Variants in SEPTIN8 observed in about 807,000 individuals in gnomAD.
SEPTIN8 encodes the protein septin 8.
A neutral mutation model predicts 53.1 loss-of-function variants in SEPTIN8; 22 were observed. The observed-to-expected ratio is 0.41, with a 90% CI of 0.30 to 0.59. The LOEUF (loss-of-function observed/expected upper bound fraction) is 0.59. SEPTIN8 is among the 20% of genes least tolerant of loss of function. The pLI is 0.24. For synonymous variants in SEPTIN8, 228 were observed against 248.4 expected (o/e 0.92, Z 0.77); for missense variants, 536 against 638.7 (o/e 0.84, Z 1.73).
intron 1 of SEPTIN8, among the ~76,000 whole-genome samples, chr5:132,768,459 G>A (rs907620554): frequency 1.3e-5 from 2 of 152,174 alleles, no homozygotes; most frequent in Non-Finnish European, 2.9e-5. Context: ...TCATAGATTT[G>A]GCATCGACAT....
upstream of SEPTIN8, chr5:132,777,487 G>A (rs934851415): frequency 2.1e-6 from 2 of 970,114 alleles, no homozygotes; most frequent in Non-Finnish European, 2.5e-6. This position sits in a 1 kb window ranked among gnomAD's most constrained non-coding sequence, Gnocchi z 4.1. Context: ...GGGGCTCGGG[G>A]CTGGTGCCCG....
intron 2 of SEPTIN8, 104 bp downstream of exon 2, chr5:132,765,303 ACT>A: frequency 7.2e-7 from 1 of 1,384,484 alleles, no homozygotes; most frequent in Non-Finnish European, 9.9e-7. Context: ...CCAAAGTTTC[ACT>A]CTGCCTGGGA....
intron 4 of SEPTIN8, among the ~76,000 whole-genome samples, chr5:132,763,050 A>G (rs1425632456): frequency 6.6e-6 from 1 of 152,180 alleles, no homozygotes; most frequent in East Asian, 1.9e-4. Context: ...GAAGATCCCA[A>G]AATCTCCCAG....
At position 132,751,034 on chromosome 5, in the gene SEPTIN8, T is replaced by G. The variant is rs761583549; in HGVS notation, c.*982A>C. On this transcript the variant is annotated 3_prime_UTR_variant, in exon 10 of 10. Coordinates refer to ENST00000378719, the MANE Select transcript of SEPTIN8 (RefSeq NM_001098811.2). ...GGTGTTTACAGAGTCTACCCTAAAC[T>G]CGTTTGTGCCTTTGGAACAGCTGTT... 6.2e-7 allele frequency: 1 copy of G among 1,604,552 alleles called. No individual in the cohort carries two copies. Among genetic ancestry groups the G allele is most frequent in the Non-Finnish European group, 8.5e-7 (1 of 1,176,346 alleles).
In SEPTIN8 at chr5:132,761,074, C is replaced by A. The variant is rs1755889418; in HGVS notation, c.1095+59G>T. On this transcript the variant is annotated intron_variant, in intron 8 of 9. Transcript: ENST00000378719. The surrounding 1 kb of genome is among the most constrained non-coding windows in gnomAD (Gnocchi z 5.8). ...GCCAGGAAGGCACCCCCACCTCTAC[C>A]CTCAGCCAGGCCTTCCCTCCCTCAG... is the stretch of plus-strand genomic sequence containing the variant. 6.2e-7 allele frequency: 1 copy of A among 1,610,450 alleles called. No homozygotes were observed. Among genetic ancestry groups the A allele is most frequent in the Non-Finnish European group, 8.5e-7 (1 of 1,177,940 alleles).
chr5:132,774,838 T>C (rs1295804675), intron 1 of SEPTIN8, among the ~76,000 whole-genome samples: 3 of 152,148 alleles, frequency 2.0e-5, no homozygotes. Flanking sequence ...CGGACTGCAA[T>C]TAACCCTCCA....
chr5:132,754,367 G>A, intron 9 of SEPTIN8: 1 of 716,762 alleles, frequency 1.4e-6, no homozygotes, highest in East Asian at 2.7e-5. Flanking sequence ...TCCAGTGTAA[G>A]TGGGACCACA....
rs1452542118 is a variant in SEPTIN8 at position 132,763,868 on chromosome 5, G to T, written c.372C>A (p.Ile124=). ...GCAGATAATTTTCAAACTGCGCATCGATGTAGTCAACTATGGGCCTGTAAC... is the reference window on the plus strand; with the variant it reads ...GCAGATAATTTTCAAACTGCGCATCTATGTAGTCAACTATGGGCCTGTAAC... ...DESYRPIVDY[I]DAQFENYLQE... is the part of the protein sequence containing the mutation. Residue 124 remains isoleucine, a synonymous_variant, in exon 4 of 10, where the codon ATC becomes ATA. Coordinates refer to ENST00000378719, the MANE Select transcript of SEPTIN8 (RefSeq NM_001098811.2). 3 of 1,589,990 alleles carry T rather than the reference G, an allele frequency of 1.9e-6. No homozygotes were observed. Among genetic ancestry groups the T allele is most frequent in the Non-Finnish European group, 2.6e-6 (3 of 1,167,442 alleles).
chr5:132,779,362 T>C (rs1025493280), upstream of SEPTIN8, among the ~76,000 whole-genome samples: 2 of 152,196 alleles, frequency 1.3e-5, no homozygotes, highest in Non-Finnish European at 2.9e-5. Context: ...GTCAAATAAC[T>C]GGGGAATGCT....
rs760187960 is a variant in SEPTIN8, at chr5:132,765,588, G to A, written c.31-59C>T. On this transcript the variant is annotated intron_variant, in intron 1 of 9. Coordinates refer to ENST00000378719, the MANE Select transcript of SEPTIN8 (RefSeq NM_001098811.2). ...CACTGGGGAAGAAAGGTCAAGCTGC[G>A]GGGTGGGCGCTAAATCTGAGTTAAA... The A allele has an allele frequency of 2.0e-5, 30 of 1,523,054 alleles. No individual in the cohort carries two copies. The East Asian group carries it at 3.5e-4, about 18-fold the overall frequency. 94.3% of individuals were successfully genotyped at this position (1,523,054 alleles called of 1,614,324 possible). A position where few individuals can be genotyped will look rare whatever the true frequency, so the allele number is the denominator to read the frequency against.
At chr5:132,770,004 T>TATATATATATATATAC (rs1757039029) in intron 1 of SEPTIN8, among the ~76,000 whole-genome samples, 1 of 50,314 alleles carries the variant, frequency 2.0e-5, no homozygotes, top group African/African-American at 8.4e-5. Flanking sequence ...TATATATATA[T>TATATATATATATATAC]ATATATATAT....
At position 132,750,973 on chromosome 5, in the gene SEPTIN8, G is replaced by C. The variant is rs768496912; in HGVS notation, c.*1043C>G. On this transcript the variant is annotated 3_prime_UTR_variant, in exon 10 of 10. Transcript: ENST00000378719. Reference sequence around the variant, plus strand: ...GACTGCACTGGGACCTCTATATTGGGACGCCGCTGGACTTCTTGACTATAG... The same window carrying C: ...GACTGCACTGGGACCTCTATATTGGCACGCCGCTGGACTTCTTGACTATAG... 1.9e-6 allele frequency: 3 copies of C among 1,614,048 alleles called. No homozygotes were observed. The highest frequency in any genetic ancestry group is 1.7e-5 in the Admixed American group (1 of 59,964).
upstream of SEPTIN8, among the ~76,000 whole-genome samples, chr5:132,778,527 CCTCT>C (rs34287498): frequency 0.018 from 2,810 of 152,264 alleles, 74 homozygotes; most frequent in African/African-American, 0.065. Flanking sequence ...TCACTTTGCT[CCTCT>C]CTCTATGTTG....
chr5:132,779,371 C>T (rs1415376260), upstream of SEPTIN8, among the ~76,000 whole-genome samples: 2 of 152,218 alleles, frequency 1.3e-5, no homozygotes, highest in South Asian at 2.1e-4. Context: ...CTGGGGAATG[C>T]TGAGTTCCAT....
chr5:132,761,058 G>T lies in SEPTIN8; in HGVS notation c.1096-66C>A, dbSNP rs934860084. On this transcript the variant is annotated intron_variant, in intron 8 of 9. Coordinates refer to ENST00000378719, the MANE Select transcript of SEPTIN8 (RefSeq NM_001098811.2). The surrounding 1 kb of genome is among the most constrained non-coding windows in gnomAD (Gnocchi z 5.8). ...GAGGGCTTGAGCCTGGGCCAGGAAG[G>T]CACCCCCACCTCTACCCTCAGCCAG... 3.1e-6 allele frequency: 5 copies of T among 1,603,274 alleles called. No individual in the cohort carries two copies. In the African/African-American group the frequency reaches 4.0e-5, roughly 13 times the overall value.
chr5:132,776,558 TGGGGAGCGGGGCAGA>T lies in SEPTIN8; in HGVS notation c.30+535_30+549del, dbSNP rs540945980. Among the ~76,000 whole-genome samples the T allele has an allele frequency of 6.3e-3, 948 of 151,494 alleles. 9 individuals are homozygous for T. Among genetic ancestry groups the T allele is most frequent in the Non-Finnish European group, 0.01 (698 of 67,862 alleles). On this transcript the variant is annotated intron_variant, in intron 1 of 9. Coordinates refer to ENST00000378719, the MANE Select transcript of SEPTIN8 (RefSeq NM_001098811.2). The surrounding 1 kb of genome is among the most constrained non-coding windows in gnomAD (Gnocchi z 4.4). ...TGGAGTCGCACCCAGGATTCCGGCG[TGGGGAGCGGGGCAGA>T]GGGGAGCGGGGGAGGAAGGAAAAGC...
chr5:132,761,129 A>G lies in SEPTIN8; in HGVS notation c.1095+4T>C, dbSNP rs1301652549. The G allele has an allele frequency of 6.2e-7, 1 of 1,614,128 alleles. No homozygotes were observed. Among genetic ancestry groups the G allele is most frequent in the East Asian group, 2.2e-5 (1 of 44,874 alleles). ...CCCATCCCAGCCCCCAGCCTGGCAC[A>G]TACCTCCCTTTCCTTCTCCTTCAGC... On this transcript the variant is annotated splice_donor_region_variant and intron_variant, in intron 8 of 9. Transcript: ENST00000378719. This position sits in a 1 kb window ranked among gnomAD's most constrained non-coding sequence, Gnocchi z 5.8.
At chr5:132,765,599 T>C in intron 1 of SEPTIN8, 70 bp from the exon 2 acceptor site, 1 of 1,504,088 alleles carries the variant, frequency 6.6e-7, no homozygotes, top group Non-Finnish European at 8.9e-7. Flanking sequence ...GGGTGGGCGC[T>C]AAATCTGAGT....
At position 132,776,750 on chromosome 5, in the gene SEPTIN8, C is replaced by G. The variant is rs1047517639; in HGVS notation, c.30+358G>C. Among the ~76,000 whole-genome samples, 2 of 152,212 alleles carry G rather than the reference C, an allele frequency of 1.3e-5. No individual in the cohort carries two copies. Among genetic ancestry groups the G allele is most frequent in the Non-Finnish European group, 2.9e-5 (2 of 68,024 alleles). On this transcript the variant is annotated intron_variant, in intron 1 of 9. Transcript: ENST00000378719. The surrounding 1 kb of genome is among the most constrained non-coding windows in gnomAD (Gnocchi z 4.4). ...TTCCCCAAGTGTGCAGAAAGAAACA[C>G]CCTGGGCGATAGGGTCCGGAGTGTC...
Sources: gnomAD v4.1 joint callset for allele counts (sites outside exome capture counted in the v4.1 genomes callset) on GRCh38, gnomAD v4.1.1 for gene constraint, Gnocchi (gnomAD v3.1) non-coding constraint, MANE v1.5 for transcripts, NCBI Gene and HGNC (gene_info 2026-07-23, HGNC 2026-07-21) for gene names.